Variants in CSRP2 observed in about 807,000 individuals in gnomAD.
The protein encoded by CSRP2 is cysteine and glycine-rich protein 2.
In CSRP2, 18 loss-of-function variants were observed where a neutral mutation model predicts 24.6. That is an observed-to-expected ratio of 0.73 (90% CI 0.51 to 1.09). The LOEUF (loss-of-function observed/expected upper bound fraction) is 1.09. Ranked by LOEUF, CSRP2 falls within the 50% of genes least tolerant of loss-of-function variation. The pLI is 0.00. For synonymous variants in CSRP2, 87 were observed against 84.3 expected (o/e 1.03, Z -0.18); for missense variants, 215 against 239.4 (o/e 0.90, Z 0.67).
At chr12:76,871,567 A>C (rs532305725) in intron 1 of CSRP2, among the ~76,000 whole-genome samples, 1 of 152,080 alleles carries the variant, frequency 6.6e-6, no homozygotes, top group Non-Finnish European at 1.5e-5. Flanking sequence ...TCAGGAGATC[A>C]AGACCATCCT....
At chr12:76,878,477 G>T (rs536916325) in intron 1 of CSRP2, among the ~76,000 whole-genome samples, 11 of 152,170 alleles carry the variant, frequency 7.2e-5, no homozygotes, top group South Asian at 6.2e-4. Flanking sequence ...CAGTAAGGTC[G>T]CCCTCGGTGC....
At chr12:76,859,724 A>T (rs1953656556) in intron 4 of CSRP2, 84 bp from the exon 5 acceptor site, 2 of 1,008,932 alleles carry the variant, frequency 2.0e-6, no homozygotes, top group South Asian at 1.6e-5. Flanking sequence ...GTGGCTCAGG[A>T]TGATCATCTC....
At chr12:76,864,161 C>G (rs1253027352) in intron 2 of CSRP2, 1 of 152,196 alleles carries the variant, frequency 6.6e-6, no homozygotes, top group Admixed American at 6.5e-5. Flanking sequence ...TTCATCCAGA[C>G]ATTATTTCAT....
intron 4 of CSRP2, among the ~76,000 whole-genome samples, chr12:76,860,045 G>A (rs539289051): frequency 3.3e-5 from 5 of 152,246 alleles, no homozygotes; most frequent in Admixed American, 1.3e-4. Context: ...GCCTTTTAAA[G>A]TTTAACCTTC....
In CSRP2 at chr12:76,860,406, G is replaced by A; in HGVS notation, c.289C>T (p.Pro97Ser). 6.2e-7 allele frequency: 1 copy of A among 1,608,670 alleles called. No individual in the cohort carries two copies. Among genetic ancestry groups the A allele is most frequent in the Non-Finnish European group, 8.5e-7 (1 of 1,178,522 alleles). ...RLGIKPESVQ[P>S]HRPTTNPNTS... ...TTTGGATTTGTTGTAGGCCTGTGAG[G>A]CTGAACACTTGTGAAAAGAGGAAAA... The change falls in exon 4 of 6, where the codon CCT becomes TCT. Residue 97 changes from proline (P) to serine (S), a missense_variant. Physicochemically the swap from Pro to Ser is moderately conservative, Grantham distance 74. Transcript: ENST00000311083.
In CSRP2 at chr12:76,859,738, G is replaced by A. The variant is rs185913200; in HGVS notation, c.412-98C>T. 8.8e-5 allele frequency: 73 copies of A among 824,998 alleles called. No homozygotes were observed. In the Middle Eastern group the frequency reaches 1.5e-3, roughly 17 times the overall value. 51.1% of individuals were successfully genotyped at this position (824,998 alleles called of 1,614,324 possible). On this transcript the variant is annotated intron_variant, in intron 4 of 5. Transcript: ENST00000311083. ...AGTGGCTCAGGATGATCATCTCAAA[G>A]CAAGCTCCTGACTTCTGTGGTTCAG...
chr12:76,863,160 C>T lies in CSRP2; in HGVS notation c.281+16G>A, dbSNP rs1260302380. On this transcript the variant is annotated intron_variant, in intron 3 of 5. Coordinates refer to ENST00000311083, the MANE Select transcript of CSRP2 (RefSeq NM_001321.3). ...GCAACTCATTTCTGAAGGTAACCAA[C>T]GGTCTCCCAACTCACCTCTCTGGTT... The T allele has an allele frequency of 3.8e-6, 6 of 1,599,750 alleles. No homozygotes were observed. Among genetic ancestry groups the T allele is most frequent in the East Asian group, 2.2e-5 (1 of 44,570 alleles).
intron 2 of CSRP2, chr12:76,863,890 A>G (rs1021054183): frequency 6.6e-6 from 1 of 152,166 alleles, no homozygotes; most frequent in African/African-American, 2.4e-5. Context: ...TCCTCCCCCA[A>G]AAGCACCTCC....
rs547112235 is a variant in CSRP2 at position 76,859,747 on chromosome 12, T to C, written c.412-107A>G. 4.1e-5 allele frequency: 31 copies of C among 752,356 alleles called. No individual in the cohort carries two copies. The African/African-American group carries it at 4.8e-4, about 12-fold the overall frequency. The allele number at this position is 752,356 out of a possible 1,614,324, so 46.6% of individuals were successfully genotyped here. ...GGATGATCATCTCAAAGCAAGCTCC[T>C]GACTTCTGTGGTTCAGCTCCAATGA... is the stretch of plus-strand genomic sequence containing the variant. On this transcript the variant is annotated intron_variant, in intron 4 of 5. Coordinates refer to ENST00000311083, the MANE Select transcript of CSRP2 (RefSeq NM_001321.3).
intron 1 of CSRP2, among the ~76,000 whole-genome samples, chr12:76,870,975 CAAAA>C (rs398020213): frequency 5.2e-5 from 3 of 57,178 alleles, no homozygotes; most frequent in African/African-American, 1.6e-4. Flanking sequence ...GACCCTGTCT[CAAAA>C]AAAAAAAAAA....
intron 3 of CSRP2, 147 bp from the exon 4 acceptor site, chr12:76,860,560 AAAG>A (rs757323816): frequency 1.1e-4 from 96 of 878,460 alleles, no homozygotes; most frequent in African/African-American, 4.4e-4. Context: ...GGGAGGGAAT[AAAG>A]AAGAAGTGAC....
intron 1 of CSRP2, among the ~76,000 whole-genome samples, chr12:76,874,537 C>T (rs1407464210): frequency 6.6e-6 from 1 of 152,002 alleles, no homozygotes; most frequent in Non-Finnish European, 1.5e-5. Context: ...AATGGGCGGG[C>T]TTCCTTTTCC....
chr12:76,862,771 A>G (rs895728759), intron 3 of CSRP2: 30 of 1,384,296 alleles, frequency 2.2e-5, no homozygotes, highest in Admixed American at 1.4e-4. Flanking sequence ...AAATGTTTAC[A>G]TAGAAGGAGT....
At chr12:76,872,861 C>T (rs1420782385) in intron 1 of CSRP2, among the ~76,000 whole-genome samples, 2 of 152,156 alleles carry the variant, frequency 1.3e-5, no homozygotes, top group Admixed American at 6.5e-5. Flanking sequence ...AACCACTCCA[C>T]GTGTGTCCGT....
chr12:76,876,578 C>T (rs1953853185), intron 1 of CSRP2, among the ~76,000 whole-genome samples: 1 of 152,128 alleles, frequency 6.6e-6, no homozygotes, highest in African/African-American at 2.4e-5. Flanking sequence ...GGAGGCCTCA[C>T]AGGAGTGCCA....
At chr12:76,869,543 CACA>C (rs1953772874) in intron 1 of CSRP2, among the ~76,000 whole-genome samples, 1 of 126,000 alleles carries the variant, frequency 7.9e-6, no homozygotes, top group African/African-American at 3.3e-5. Flanking sequence ...CACACACACA[CACA>C]CACACACACA....
chr12:76,863,410 G>C, intron 2 of CSRP2, 66 bp from the exon 3 acceptor site: 1 of 1,509,386 alleles, frequency 6.6e-7, no homozygotes, highest in Non-Finnish European at 9.0e-7. Context: ...AACAATGGTG[G>C]CACAGACACA....
chr12:76,877,332 T>C (rs1318932828), intron 1 of CSRP2, among the ~76,000 whole-genome samples: 1 of 152,252 alleles, frequency 6.6e-6, no homozygotes, highest in East Asian at 1.9e-4. Context: ...CAGCAAGTAC[T>C]GCTTTCAGCA....
intron 2 of CSRP2, chr12:76,864,842 A>G (rs377167134): frequency 2.0e-5 from 3 of 152,220 alleles, no homozygotes; most frequent in African/African-American, 4.8e-5. Flanking sequence ...AAAGATAACT[A>G]TATCTTAAAC....
Sources: allele counts gnomAD v4.1 joint callset (sites outside exome capture counted in the v4.1 genomes callset), GRCh38; gene constraint gnomAD v4.1.1; transcripts MANE v1.5; gene names NCBI Gene and HGNC (gene_info 2026-07-23, HGNC 2026-07-21).